DLG2: variants seen among roughly 807,000 people sequenced by gnomAD.
DLG2 encodes disks large homolog 2.
Under a neutral mutation model 132.5 loss-of-function variants are expected in DLG2, and 45 were observed. That is an observed-to-expected ratio of 0.34 (90% CI 0.27 to 0.44). The LOEUF (loss-of-function observed/expected upper bound fraction) is 0.44. DLG2 is among the 20% of genes least tolerant of loss of function. The pLI is 1.00. For missense variants in DLG2, 1,045 were observed against 1,196.9 expected (o/e 0.87, Z 1.87); for synonymous variants, 424 against 419.6 (o/e 1.01, Z -0.13).
rs202029625 is a variant in DLG2, at chr11:85,442,703, TA to T, written c.40+155953del. 8.0e-5 allele frequency among the ~76,000 whole-genome samples: 12 copies of T among 149,374 alleles called. No homozygotes were observed. In the South Asian group the frequency reaches 2.1e-3, roughly 26 times the overall value. ...ATAGCAAGACCTGTCTCTACCTAAA[TA>T]AAAAAAAATAAAAAATAAATTAAAA... On this transcript the variant is annotated intron_variant, in intron 3 of 27. Coordinates refer to ENST00000376104, the MANE Select transcript of DLG2 (RefSeq NM_001142699.3).
intron 16 of DLG2, among the ~76,000 whole-genome samples, chr11:83,840,290 C>T (rs2154015051): frequency 6.6e-6 from 1 of 152,302 alleles, no homozygotes; most frequent in South Asian, 2.1e-4. Context: ...ACCCAGGCAC[C>T]AGCATTTCCC....
intron 6 of DLG2, among the ~76,000 whole-genome samples, chr11:84,687,866 G>T (rs1367599071): frequency 2.6e-5 from 4 of 152,258 alleles, no homozygotes; most frequent in Non-Finnish European, 2.9e-5. Flanking sequence ...AGTGTTTGCT[G>T]CACTTTTCTT....
chr11:85,027,245 A>G (rs1171415147), intron 6 of DLG2, among the ~76,000 whole-genome samples: 2 of 143,684 alleles, frequency 1.4e-5, no homozygotes, highest in Non-Finnish European at 3.0e-5. Flanking sequence ...TAAAACTGTT[A>G]AATACACATA....
chr11:84,621,183 G>C (rs148599227), intron 6 of DLG2, among the ~76,000 whole-genome samples: 132 of 152,030 alleles, frequency 8.7e-4, no homozygotes, highest in African/African-American at 3.1e-3. Context: ...TATGGTGTTG[G>C]TTTTATTATT....
chr11:85,528,967 A>G (rs894675904), intron 3 of DLG2, among the ~76,000 whole-genome samples: 1 of 152,240 alleles, frequency 6.6e-6, no homozygotes, highest in Non-Finnish European at 1.5e-5. Flanking sequence ...CAAATTGTGG[A>G]ATATTCATAA....
intron 11 of DLG2, among the ~76,000 whole-genome samples, chr11:84,020,897 A>G (rs1296456354): frequency 6.6e-6 from 1 of 152,200 alleles, no homozygotes; most frequent in Non-Finnish European, 1.5e-5. Context: ...GGGCAATTAG[A>G]GGGTGACTTT....
intron 2 of DLG2, among the ~76,000 whole-genome samples, chr11:85,605,576 A>C (rs1289378672): frequency 1.3e-5 from 2 of 152,366 alleles, no homozygotes; most frequent in Middle Eastern, 3.4e-3. Flanking sequence ...CTGGGAACAC[A>C]GTACTGAACA....
At chr11:83,980,265 G>A (rs2092666688) in intron 12 of DLG2, among the ~76,000 whole-genome samples, 1 of 152,182 alleles carries the variant, frequency 6.6e-6, no homozygotes, top group Non-Finnish European at 1.5e-5. Context: ...GAAAGGCCAT[G>A]TGAGGACACA....
intron 5 of DLG2, among the ~76,000 whole-genome samples, chr11:85,136,823 A>G (rs1008599061): frequency 2.0e-5 from 3 of 152,140 alleles, no homozygotes; most frequent in Admixed American, 6.6e-5. Context: ...TTTAATGTAT[A>G]TATCTGGCAC....
chr11:84,915,538 C>T (rs1052617832), intron 6 of DLG2, among the ~76,000 whole-genome samples: 1 of 152,164 alleles, frequency 6.6e-6, no homozygotes, highest in African/African-American at 2.4e-5. Context: ...CAAACATATG[C>T]TATATGACAG....
At chr11:84,657,563 C>T (rs953576334) in intron 6 of DLG2, among the ~76,000 whole-genome samples, 3 of 152,086 alleles carry the variant, frequency 2.0e-5, no homozygotes, top group African/African-American at 7.2e-5. Context: ...GAAACTGTTC[C>T]ACCTCAGATC....
chr11:83,753,738 A>G (rs1280607372), intron 18 of DLG2, among the ~76,000 whole-genome samples: 3 of 138,344 alleles, frequency 2.2e-5, no homozygotes, highest in Non-Finnish European at 4.6e-5. Context: ...TATATATGAT[A>G]TATATATATT....
chr11:85,079,473 G>A (rs2066964118), intron 6 of DLG2, among the ~76,000 whole-genome samples: 1 of 146,910 alleles, frequency 6.8e-6, no homozygotes, highest in African/African-American at 2.5e-5. Flanking sequence ...GTTGGTTGGG[G>A]GAGGCTTAGA....
At chr11:83,745,656 G>GTA (rs2092850900) in intron 18 of DLG2, among the ~76,000 whole-genome samples, 1 of 151,958 alleles carries the variant, frequency 6.6e-6, no homozygotes, top group Non-Finnish European at 1.5e-5. Context: ...ATAAAAATTA[G>GTA]CCTGGCGTGG....
At chr11:84,372,601 C>G (rs1260969582) in intron 7 of DLG2, among the ~76,000 whole-genome samples, 1 of 152,170 alleles carries the variant, frequency 6.6e-6, no homozygotes, top group Non-Finnish European at 1.5e-5. Flanking sequence ...TTTCCAGATG[C>G]TACTAGTCAA....
intron 6 of DLG2, among the ~76,000 whole-genome samples, chr11:84,833,913 TA>T (rs1424495578): frequency 6.6e-6 from 1 of 151,606 alleles, no homozygotes; most frequent in African/African-American, 2.4e-5. Flanking sequence ...TACATACTTG[TA>T]AAATTGGATG....
At chr11:83,829,543 G>C (rs2053864070) in intron 17 of DLG2, among the ~76,000 whole-genome samples, 1 of 152,092 alleles carries the variant, frequency 6.6e-6, no homozygotes, top group South Asian at 2.1e-4. Context: ...TTTCCAGGAA[G>C]GTTGCTTGCC....
At chr11:85,495,064 T>C (rs1262703652) in intron 3 of DLG2, among the ~76,000 whole-genome samples, 3 of 152,124 alleles carry the variant, frequency 2.0e-5, no homozygotes, top group Admixed American at 1.3e-4. Flanking sequence ...AAAAATAATA[T>C]ACAAATGGCC....
intron 6 of DLG2, among the ~76,000 whole-genome samples, chr11:84,985,720 A>G (rs531623239): frequency 6.6e-6 from 1 of 152,216 alleles, no homozygotes; most frequent in Non-Finnish European, 1.5e-5. Context: ...TAGGCCCATC[A>G]AGGTGGCTCA....
Sources: gnomAD v4.1 joint callset for allele counts (sites outside exome capture counted in the v4.1 genomes callset) on GRCh38, gnomAD v4.1.1 for gene constraint, MANE v1.5 for transcripts, NCBI Gene and HGNC (gene_info 2026-07-23, HGNC 2026-07-21) for gene names.